Variants in CD163L1 observed in about 807,000 individuals in gnomAD.
CD163L1 encodes the protein CD163 molecule like 1.
Under a neutral mutation model 165.4 loss-of-function variants are expected in CD163L1, and 124 were observed. The observed-to-expected ratio is 0.75, with a 90% CI of 0.65 to 0.87. The LOEUF is 0.87. Among genes scored for constraint, CD163L1 ranks in the 40% least tolerant of loss-of-function variants. CD163L1 has a pLI of 0.00. For missense variants in CD163L1, 1,525 were observed against 1,799.9 expected (o/e 0.85, Z 2.76); for synonymous variants, 585 against 662.2 (o/e 0.88, Z 1.79).
chr12:7,321,000 G>A, the CD163L1 span, among the ~76,000 whole-genome samples: 3 of 152,134 alleles, frequency 2.0e-5, no homozygotes, highest in African/African-American at 7.2e-5. Context: ...GACTCTATTA[G>A]ACGCCAGTAG....
At chr12:7,357,609 T>A in intron 18 of CD163L1, 123 bp from the exon 19 acceptor site, 1 of 619,198 alleles carries the variant, frequency 1.6e-6, no homozygotes, top group Admixed American at 2.9e-5. Flanking sequence ...GACTATTACA[T>A]AAATTAAGAG....
intron 4 of CD163L1, among the ~76,000 whole-genome samples, chr12:7,419,287 G>C (rs934090837): frequency 2.6e-5 from 4 of 151,866 alleles, no homozygotes; most frequent in Non-Finnish European, 4.4e-5. Context: ...TGCAGAAAAA[G>C]CATTTAACAA....
rs143800182 is a variant in CD163L1, at chr12:7,370,602, G to A, written c.3731-937C>T. 4.1e-4 allele frequency among the ~76,000 whole-genome samples: 62 copies of A among 151,944 alleles called. No homozygotes were observed. In the East Asian group the frequency reaches 5.6e-3, roughly 14 times the overall value. On this transcript the variant is annotated intron_variant, in intron 14 of 19. Transcript: ENST00000313599. ...TTTTGATCTAAACGTCTCATCCCCC[G>A]GTCTGATAAGTCATCCCCAAGTCCT...
intron 11 of CD163L1, 112 bp from the exon 12 acceptor site, chr12:7,375,035 C>G (rs780738605): frequency 9.6e-7 from 1 of 1,044,020 alleles, no homozygotes; most frequent in Admixed American, 2.0e-5. Context: ...TTTTCAAACC[C>G]TGTCGTCTAT....
intron 4 of CD163L1, among the ~76,000 whole-genome samples, chr12:7,421,247 GATATATATGTAT>G (rs1258971913): frequency 8.0e-6 from 1 of 125,162 alleles, no homozygotes; most frequent in African/African-American, 3.0e-5. Flanking sequence ...ACATTTGGAA[GATATATATGTAT>G]ATATCTTCCA....
At position 7,406,819 on chromosome 12, in the gene CD163L1, C is replaced by A. The variant is rs1489040145; in HGVS notation, c.800G>T (p.Gly267Val). ...TACTCTCCCCATACAGCGGTTAGTT[C>A]CACCTACAAGCCTTAGTTCAAGATC... is the stretch of plus-strand genomic sequence containing the variant. ...SSDLELRLVG[G>V]TNRCMGRVEL... The change falls in exon 5 of 20, where the codon GGA becomes GTA. Residue 267 changes from glycine (G) to valine (V), a missense_variant. Transcript: ENST00000313599. The A allele has an allele frequency of 6.2e-7, 1 of 1,613,900 alleles. No individual in the cohort carries two copies. The highest frequency in any genetic ancestry group is 8.5e-7 in the Non-Finnish European group (1 of 1,179,984).
intron 4 of CD163L1, among the ~76,000 whole-genome samples, chr12:7,423,483 C>T (rs1948479393): frequency 6.6e-6 from 1 of 151,716 alleles, no homozygotes. Flanking sequence ...AAGATAAGAG[C>T]AAAACTGAAA....
Position 7,406,778 on chromosome 12 carries a change from CT to C in CD163L1, c.840del (p.Gly281GlufsTer79), listed in dbSNP as rs767621218. 1.9e-6 allele frequency: 3 copies of C among 1,613,956 alleles called. No individual in the cohort carries two copies. The South Asian group carries it at 3.3e-5, about 18-fold the overall frequency. ...TGGTGGCATACGGTCCCCCACCTTC[CT>C]TGGATTTTCAGCTCTACTCTCCCCA... ...RCMGRVELKI[Q>X]GRWGTVCHHK... On this transcript the variant is annotated frameshift_variant, in exon 5 of 20. Coordinates refer to ENST00000313599, the MANE Select transcript of CD163L1 (RefSeq NM_174941.6). LOFTEE classifies it high-confidence loss of function.
At chr12:7,419,664 G>A (rs1188706513) in intron 4 of CD163L1, among the ~76,000 whole-genome samples, 1 of 151,978 alleles carries the variant, frequency 6.6e-6, no homozygotes, top group East Asian at 1.9e-4. Context: ...AAAGTTACAG[G>A]ATACAAAATT....
downstream of CD163L1, among the ~76,000 whole-genome samples, chr12:7,353,156 C>G (rs752060590): frequency 6.6e-6 from 1 of 151,544 alleles, no homozygotes; most frequent in South Asian, 2.1e-4. Flanking sequence ...ATTCTTGAGT[C>G]GTAACATGAA....
At chr12:7,364,791 C>CA (rs201858748) in intron 18 of CD163L1, among the ~76,000 whole-genome samples, 269 of 148,200 alleles carry the variant, frequency 1.8e-3, no homozygotes, top group African/African-American at 6.1e-3. Flanking sequence ...TAGAAGAGGA[C>CA]AAAAAAAAAG....
At chr12:7,324,335 A>G in the CD163L1 span, 8 of 1,613,970 alleles carry the variant, frequency 5.0e-6, no homozygotes, top group East Asian at 4.5e-5. Flanking sequence ...GAGACAGAGG[A>G]GTGATGGACA....
intron 2 of CD163L1, chr12:7,440,058 CG>C: frequency 8.6e-7 from 1 of 1,164,568 alleles, no homozygotes; most frequent in Non-Finnish European, 1.3e-6. Flanking sequence ...TCGCGTTCCG[CG>C]CTCCGCCCTA....
the CD163L1 span, among the ~76,000 whole-genome samples, chr12:7,340,436 T>TAGAATATATAATTTATAGTG: frequency 1.3e-5 from 2 of 152,284 alleles, no homozygotes; most frequent in East Asian, 1.9e-4. Context: ...TTACATAAAT[T>TAGAATATATAATTTATAGTG]AGAATATATA....
downstream of CD163L1, among the ~76,000 whole-genome samples, chr12:7,342,443 C>T (rs777085238): frequency 7.9e-5 from 12 of 152,296 alleles, no homozygotes; most frequent in East Asian, 1.9e-3. Context: ...CAATGCTTAT[C>T]ACAGGCTTGC....
At chr12:7,437,239 T>TATTATTAAATAAATA (rs373125394) in intron 2 of CD163L1, among the ~76,000 whole-genome samples, 6 of 94,806 alleles carry the variant, frequency 6.3e-5, no homozygotes, top group African/African-American at 2.6e-4. Flanking sequence ...AGTATTTACT[T>TATTATTAAATAAATA]TTAAATAGTA....
At chr12:7,387,601 C>T (rs954629706) in intron 8 of CD163L1, among the ~76,000 whole-genome samples, 1 of 152,220 alleles carries the variant, frequency 6.6e-6, no homozygotes, top group Admixed American at 6.5e-5. Flanking sequence ...TAAAAAGAGC[C>T]TGGTACCTCC....
At chr12:7,395,569 T>G (rs1565792901) in intron 8 of CD163L1, among the ~76,000 whole-genome samples, 1 of 152,326 alleles carries the variant, frequency 6.6e-6, no homozygotes, top group East Asian at 1.9e-4. Context: ...GTTGTGCACA[T>G]GTACCCTAGA....
Position 7,400,879 on chromosome 12 carries a change from T to C in CD163L1, c.1409-2295A>G, listed in dbSNP as rs1043949984. On this transcript the variant is annotated intron_variant, in intron 6 of 19. Coordinates refer to ENST00000313599, the MANE Select transcript of CD163L1 (RefSeq NM_174941.6). The surrounding 1 kb of genome is among the most constrained non-coding windows in gnomAD (Gnocchi z 4.1). ...CTAGAAATAGAAGAGGGGGATTATG[T>C]ATTTTATAAAGGGACTCTATAAAAT... Among the ~76,000 whole-genome samples, 3 of 152,210 alleles carry C rather than the reference T, an allele frequency of 2.0e-5. No individual in the cohort carries two copies. Among genetic ancestry groups the C allele is most frequent in the Non-Finnish European group, 4.4e-5 (3 of 68,044 alleles).
Sources: gnomAD v4.1 joint callset for allele counts (sites outside exome capture counted in the v4.1 genomes callset) on GRCh38, gnomAD v4.1.1 for gene constraint, Gnocchi (gnomAD v3.1) non-coding constraint, MANE v1.5 for transcripts, NCBI Gene and HGNC (gene_info 2026-07-23, HGNC 2026-07-21) for gene names.